Variants in ITGAL observed in about 807,000 individuals in gnomAD.
ITGAL encodes integrin subunit alpha L.
A neutral mutation model predicts 138.4 loss-of-function variants in ITGAL; 68 were observed. That is an observed-to-expected ratio of 0.49 (90% CI 0.40 to 0.60). ITGAL has a LOEUF of 0.60. Ranked by LOEUF, ITGAL falls within the 20% of genes least tolerant of loss-of-function variation. The probability of loss-of-function intolerance (pLI) is 0.00; values close to 1 mark genes in which losing one functional copy is unlikely to be tolerated. For synonymous variants in ITGAL, 561 were observed against 584.3 expected, an observed-to-expected ratio of 0.96 and a Z score of 0.57; for missense variants, 1,256 against 1,478.6, an observed-to-expected ratio of 0.85 and a Z score of 2.47.
intron 6 of ITGAL, among the ~76,000 whole-genome samples, 187 bp downstream of exon 6, chr16:30,479,648 CTTTTTTTTTTTTTT>C (rs59770529): frequency 5.5e-5 from 4 of 72,830 alleles, no homozygotes; most frequent in Middle Eastern, 9.3e-3. Context: ...TTCTCATTTC[CTTTTTTTTTTTTTT>C]TTTTTTTTTT....
Position 30,521,871 on chromosome 16 carries a change from G to A in ITGAL, c.*206G>A. The A allele has an allele frequency of 1.8e-6, 1 of 550,948 alleles. No individual in the cohort carries two copies. The highest frequency in any genetic ancestry group is 3.2e-6 in the Non-Finnish European group (1 of 312,698). 34.1% of individuals were successfully genotyped at this position (550,948 alleles called of 1,614,324 possible). ...AGACCTGCTGAGGGACCAGCCAAGA[G>A]GGCTGCAAAAGTGAGGGCTTGTCAT... On this transcript the variant is annotated 3_prime_UTR_variant, in exon 31 of 31. Transcript: ENST00000356798.
rs544547205 is a variant in ITGAL at position 30,520,102 on chromosome 16, C to G, written c.3339+135C>G. On this transcript the variant is annotated intron_variant, in intron 30 of 30. Transcript: ENST00000356798. ...GGCCTCAGAGCCAGGGGGCCTCAGC[C>G]TACTCCCTCCTTCAACAGAGAAGGC... 21 of 644,608 alleles carry G rather than the reference C, an allele frequency of 3.3e-5. 1 individual carries two copies. The highest frequency in any genetic ancestry group is 3.0e-4 in the East Asian group (11 of 36,908). 39.9% of individuals were successfully genotyped at this position (644,608 alleles called of 1,614,324 possible).
rs1333676373 is a variant in ITGAL, at chr16:30,504,202, A to G, written c.2173A>G (p.Ile725Val). The change falls in exon 18 of 31, where the codon ATC becomes GTC. Residue 725 changes from isoleucine to valine, a missense_variant. Physicochemically the swap from Ile to Val is conservative, Grantham distance 29. Around this residue, in one of 3 missense-constraint regions of ITGAL, gnomAD observed 867 missense variants for 972.5 expected, o/e 0.89. Coordinates refer to ENST00000356798, the MANE Select transcript of ITGAL (RefSeq NM_002209.3). ...ATGTGTTCAAGACCTCATCTCCCCCATCAATGTTTCCCTGAATTTCTCTCT... is the reference window on the plus strand; with the variant it reads ...ATGTGTTCAAGACCTCATCTCCCCCGTCAATGTTTCCCTGAATTTCTCTCT... ...PVCVQDLISP[I>V]NVSLNFSLWE... 7 of 1,613,602 alleles carry G rather than the reference A, an allele frequency of 4.3e-6. No homozygotes were observed. Among genetic ancestry groups the G allele is most frequent in the Non-Finnish European group, 5.9e-6 (7 of 1,179,658 alleles).
In ITGAL at chr16:30,518,705, G is replaced by A. The variant is rs201206480; in HGVS notation, c.3214G>A (p.Ala1072Thr). The change falls in exon 29 of 31, where the codon GCC becomes ACC. Residue 1072 changes from alanine (A) to threonine (T), a missense_variant. Physicochemically the swap from Ala to Thr is moderately conservative, Grantham distance 58. Around this residue, in one of 3 missense-constraint regions of ITGAL, gnomAD observed 867 missense variants for 972.5 expected, o/e 0.89. Transcript: ENST00000356798. ...GCATTTCCACCTCTATGGCAGCAACGCCTCCCTGGCCCAGGTATCTCCACC... is the reference window on the plus strand; with the variant it reads ...GCATTTCCACCTCTATGGCAGCAACACCTCCCTGGCCCAGGTATCTCCACC... ...SKHFHLYGSNASLAQVVMKVD... is the reference protein window; with the variant it reads ...SKHFHLYGSNTSLAQVVMKVD... 165 of 1,612,420 alleles carry A rather than the reference G, an allele frequency of 1.0e-4. No homozygotes were observed. The highest frequency in any genetic ancestry group is 1.6e-4 in the Middle Eastern group (1 of 6,084).
Position 30,494,901 on chromosome 16 carries a change from C to T in ITGAL, c.1503+51C>T, listed in dbSNP as rs1316216694. On this transcript the variant is annotated intron_variant, in intron 13 of 30. Coordinates refer to ENST00000356798, the MANE Select transcript of ITGAL (RefSeq NM_002209.3). The surrounding 1 kb of genome is among the most constrained non-coding windows in gnomAD (Gnocchi z 4.2). ...GGGAGGAGGGAGAGCAGCAGAGATT[C>T]GCAGCTCCCAGTTATTCTGAAGGCT... 2.0e-6 allele frequency: 3 copies of T among 1,526,442 alleles called. No individual in the cohort carries two copies. Among genetic ancestry groups the T allele is most frequent in the Non-Finnish European group, 2.7e-6 (3 of 1,129,758 alleles). 94.6% of individuals were successfully genotyped at this position (1,526,442 alleles called of 1,614,324 possible).
At chr16:30,501,341 C>T (rs574218803) in intron 17 of ITGAL, among the ~76,000 whole-genome samples, 8 of 151,738 alleles carry the variant, frequency 5.3e-5, no homozygotes, top group South Asian at 2.1e-4. Context: ...TTTGGGATGC[C>T]GAGGTGGGCA....
chr16:30,518,591 C>T (rs780990588), intron 28 of ITGAL, 33 bp from the exon 29 acceptor site: 11 of 1,489,666 alleles, frequency 7.4e-6, no homozygotes, highest in Middle Eastern at 1.7e-4. Flanking sequence ...TCCTCGTTCT[C>T]CCGGGTTCTG....
At chr16:30,491,019 C>T (rs899678950) in intron 11 of ITGAL, among the ~76,000 whole-genome samples, 4 of 151,040 alleles carry the variant, frequency 2.6e-5, no homozygotes, top group African/African-American at 9.7e-5. Context: ...CCTGTGGTCC[C>T]AGCTACTTGG....
At chr16:30,498,402 A>T (rs7193693) in intron 15 of ITGAL, among the ~76,000 whole-genome samples, 7 of 152,046 alleles carry the variant, frequency 4.6e-5, no homozygotes, top group Non-Finnish European at 8.8e-5. Context: ...ACTGCACTCC[A>T]GCCTGAGCAA....
intron 17 of ITGAL, among the ~76,000 whole-genome samples, chr16:30,500,057 ATTATTTATTTAT>A (rs34854709): frequency 0.027 from 3,379 of 125,446 alleles, 202 homozygotes; most frequent in Admixed American, 0.14. Context: ...CCTATTTTAT[ATTATTTATTTAT>A]TTATTTATTT....
Position 30,521,796 on chromosome 16 carries a change from C to A in ITGAL, c.*131C>A. ...TCTCCCTGGCCCTCAGTTTCCCTATCTCGAACATGGAACTCATTCCTGCCT... is the reference window on the plus strand; with the variant it reads ...TCTCCCTGGCCCTCAGTTTCCCTATATCGAACATGGAACTCATTCCTGCCT... On this transcript the variant is annotated 3_prime_UTR_variant, in exon 31 of 31. Transcript: ENST00000356798. The A allele has an allele frequency of 2.3e-6, 2 of 856,290 alleles. No individual in the cohort carries two copies. The highest frequency in any genetic ancestry group is 1.8e-6 in the Non-Finnish European group (1 of 568,154). The allele number at this position is 856,290 out of a possible 1,614,324, so 53.0% of individuals were successfully genotyped here.
intron 11 of ITGAL, among the ~76,000 whole-genome samples, chr16:30,490,224 TC>T (rs2050705466): frequency 1.6e-5 from 1 of 64,340 alleles, no homozygotes; most frequent in Non-Finnish European, 2.9e-5. Flanking sequence ...CGAGACTCCG[TC>T]TTAAAAAAAA....
chr16:30,499,733 A>ATATGTATATATATATATATATAT, intron 17 of ITGAL, among the ~76,000 whole-genome samples: 1 of 88,388 alleles, frequency 1.1e-5, no homozygotes, highest in African/African-American at 6.0e-5. Context: ...ATATATATAT[A>ATATGTATATATATATATATATAT]TTTTTTTTTT....
At chr16:30,505,612 T>G (rs2050976679) in intron 20 of ITGAL, 150 bp downstream of exon 20, 1 of 655,954 alleles carries the variant, frequency 1.5e-6, no homozygotes. Context: ...ACTCAGGGGC[T>G]CATGCCTATA....
intron 20 of ITGAL, among the ~76,000 whole-genome samples, chr16:30,506,245 G>T (rs1448531429): frequency 1.5e-5 from 2 of 133,354 alleles, no homozygotes; most frequent in Non-Finnish European, 3.1e-5. Context: ...GGGCTACAGA[G>T]TGAGATTCTG....
At chr16:30,508,203 C>T (rs527303686) in intron 21 of ITGAL, among the ~76,000 whole-genome samples, 2 of 147,902 alleles carry the variant, frequency 1.4e-5, no homozygotes, top group African/African-American at 2.5e-5. Flanking sequence ...CCACCACGCC[C>T]GGCCTATTTT....
intron 17 of ITGAL, among the ~76,000 whole-genome samples, chr16:30,501,295 G>T (rs781700885): frequency 6.6e-5 from 10 of 151,602 alleles, no homozygotes; most frequent in Non-Finnish European, 1.0e-4. Context: ...AAAATGTTTG[G>T]CTGGGCACGG....
chr16:30,506,558 CAAAAAAAAAAAAAAAAAAAA>C (rs57722064), intron 20 of ITGAL, among the ~76,000 whole-genome samples, 137 bp from the exon 21 acceptor site: 5 of 47,912 alleles, frequency 1.0e-4, no homozygotes, highest in Non-Finnish European at 1.7e-4. Context: ...GACTCCATCT[CAAAAAAAAAAAAAAAAAAAA>C]AAAAAAAAAA....
rs34865749 is a variant in ITGAL at position 30,494,403 on chromosome 16, C to A, written c.1365+40C>A. 1.3e-6 allele frequency: 2 copies of A among 1,559,554 alleles called. No individual in the cohort carries two copies. The highest frequency in any genetic ancestry group is 1.7e-6 in the Non-Finnish European group (2 of 1,145,886). ...AGGGCATCTGCAGACCAGGGACTGGCGGGACACACATCACACTCCCTTCTG... is the reference window on the plus strand; with the variant it reads ...AGGGCATCTGCAGACCAGGGACTGGAGGGACACACATCACACTCCCTTCTG... On this transcript the variant is annotated intron_variant, in intron 12 of 30. Coordinates refer to ENST00000356798, the MANE Select transcript of ITGAL (RefSeq NM_002209.3). This position sits in a 1 kb window ranked among gnomAD's most constrained non-coding sequence, Gnocchi z 4.2.
Sources: gnomAD v4.1 joint callset for allele counts (sites outside exome capture counted in the v4.1 genomes callset) on GRCh38, gnomAD v4.1.1 for gene constraint, gnomAD v4.1.1 regional missense constraint, Gnocchi (gnomAD v3.1) non-coding constraint, MANE v1.5 for transcripts, NCBI Gene and HGNC (gene_info 2026-07-23, HGNC 2026-07-21) for gene names.